Variants in ADAM10 observed in about 807,000 individuals in gnomAD.
ADAM10 encodes the protein disintegrin and metalloproteinase domain-containing protein 10.
Under a neutral mutation model 90.1 loss-of-function variants are expected in ADAM10, and 17 were observed. The ratio of observed to expected loss-of-function variants is 0.19; its 90% CI spans 0.13 to 0.28. The LOEUF (loss-of-function observed/expected upper bound fraction) is 0.28. Among genes scored for constraint, ADAM10 ranks in the 10% least tolerant of loss-of-function variants. The probability of loss-of-function intolerance (pLI) is 1.00; values close to 1 mark genes in which losing one functional copy is unlikely to be tolerated. For missense variants in ADAM10, 610 were observed against 914.3 expected (o/e 0.67, Z 4.29); for synonymous variants, 310 against 298.6 (o/e 1.04, Z -0.40).
At chr15:58,703,493 A>G (rs1342835933) in intron 2 of ADAM10, among the ~76,000 whole-genome samples, 2 of 152,214 alleles carry the variant, frequency 1.3e-5, no homozygotes, top group Non-Finnish European at 2.9e-5. Context: ...ATGTATACAT[A>G]CAATAGAATA....
At chr15:58,626,398 C>T (rs962667157) in intron 10 of ADAM10, among the ~76,000 whole-genome samples, 7 of 152,166 alleles carry the variant, frequency 4.6e-5, no homozygotes, top group Admixed American at 4.6e-4. Context: ...TTTGCTGTCA[C>T]ATGTTTAACC....
In ADAM10 at chr15:58,592,472, G is replaced by A. The variant is rs1412946421; in HGVS notation, c.*5075C>T. ...GCCTTGGCCAGTGGTAACTTCTAAG[G>A]TGCCTCCTGAATCTTTCTGATCTGG... On this transcript the variant is annotated 3_prime_UTR_variant, in exon 16 of 16. Transcript: ENST00000260408. The A allele has an allele frequency of 1.3e-5, 2 of 152,166 alleles. No homozygotes were observed. The highest frequency in any genetic ancestry group is 1.9e-4 in the East Asian group (1 of 5,182). The allele number at this position is 152,166 out of a possible 1,614,324, so 9.4% of individuals were successfully genotyped here.
At chr15:58,749,399 G>C in intron 1 of ADAM10, 81 bp downstream of exon 1, 5 of 1,309,580 alleles carry the variant, frequency 3.8e-6, no homozygotes, top group Non-Finnish European at 4.9e-6. Context: ...CGCACGCCGC[G>C]AGGCGCGACT....
At chr15:58,722,025 T>C (rs1225394630) in intron 1 of ADAM10, among the ~76,000 whole-genome samples, 1 of 151,342 alleles carries the variant, frequency 6.6e-6, no homozygotes, top group Non-Finnish European at 1.5e-5. Context: ...CAAAACTCTG[T>C]CTGAAATAAT....
intron 2 of ADAM10, among the ~76,000 whole-genome samples, chr15:58,684,223 T>C (rs994327223): frequency 5.3e-5 from 8 of 152,116 alleles, no homozygotes; most frequent in Middle Eastern, 3.2e-3. Context: ...TCCACAGATA[T>C]AGAGGGCCAA....
chr15:58,686,850 C>CA (rs1184378741), intron 2 of ADAM10, among the ~76,000 whole-genome samples: 1 of 152,106 alleles, frequency 6.6e-6, no homozygotes, highest in Non-Finnish European at 1.5e-5. Context: ...TGTGCAAGTA[C>CA]TTTTATACAT....
intron 2 of ADAM10, among the ~76,000 whole-genome samples, chr15:58,688,703 A>C (rs1897678844): frequency 6.7e-6 from 1 of 148,936 alleles, no homozygotes; most frequent in South Asian, 2.1e-4. Context: ...AGAGAGGGAA[A>C]GGAATGAGAG....
intron 5 of ADAM10, among the ~76,000 whole-genome samples, chr15:58,648,992 T>C (rs1024777779): frequency 2.2e-4 from 33 of 152,106 alleles, no homozygotes; most frequent in African/African-American, 7.7e-4. Context: ...GTTTGTGGGG[T>C]TTTGTTGCTG....
intron 5 of ADAM10, among the ~76,000 whole-genome samples, chr15:58,649,390 C>T (rs1334771243): frequency 6.6e-6 from 1 of 152,114 alleles, no homozygotes; most frequent in African/African-American, 2.4e-5. Flanking sequence ...ACTATTAGTG[C>T]TTTGTAGTAT....
At chr15:58,677,848 C>T (rs1213666318) in intron 4 of ADAM10, among the ~76,000 whole-genome samples, 2 of 152,072 alleles carry the variant, frequency 1.3e-5, no homozygotes, top group Admixed American at 6.5e-5. Flanking sequence ...TGCAATATTA[C>T]AGGAGCAAAA....
rs946025419 is a variant in ADAM10, at chr15:58,717,573, T to C, written c.206+4A>G. ...CAGACACAGTCAGCAATAAATTTACTTACCTTCCATGGGCATGGAAATCTA... is the reference window on the plus strand; with the variant it reads ...CAGACACAGTCAGCAATAAATTTACCTACCTTCCATGGGCATGGAAATCTA... On this transcript the variant is annotated splice_donor_region_variant and intron_variant, in intron 2 of 15. Transcript: ENST00000260408. 3.9e-5 allele frequency: 63 copies of C among 1,613,734 alleles called. No individual in the cohort carries two copies. The highest frequency in any genetic ancestry group is 5.3e-5 in the Non-Finnish European group (62 of 1,179,890).
intron 11 of ADAM10, among the ~76,000 whole-genome samples, chr15:58,612,383 T>A (rs1328493567): frequency 6.6e-6 from 1 of 152,144 alleles, no homozygotes; most frequent in Non-Finnish European, 1.5e-5. Context: ...GTGGCTGAAC[T>A]GGGATACTAT....
chr15:58,607,508 G>A (rs908321004), intron 14 of ADAM10, among the ~76,000 whole-genome samples: 1 of 152,140 alleles, frequency 6.6e-6, no homozygotes, highest in East Asian at 1.9e-4. Flanking sequence ...ACCATTGAAG[G>A]CCCAGAACAT....
intron 1 of ADAM10, among the ~76,000 whole-genome samples, chr15:58,721,625 C>G (rs1291811752): frequency 6.6e-6 from 1 of 152,188 alleles, no homozygotes; most frequent in African/African-American, 2.4e-5. Flanking sequence ...TAGCTCACAC[C>G]TGTAATCCCA....
At chr15:58,626,308 A>C (rs1366875612) in intron 10 of ADAM10, among the ~76,000 whole-genome samples, 1 of 152,158 alleles carries the variant, frequency 6.6e-6, no homozygotes, top group Non-Finnish European at 1.5e-5. Context: ...CTGTATGTGA[A>C]TCTATTAATT....
Position 58,658,111 on chromosome 15 carries a change from A to T in ADAM10, c.585+6986T>A, listed in dbSNP as rs143264814. Among the ~76,000 whole-genome samples, 594 of 152,140 alleles carry T rather than the reference A, an allele frequency of 3.9e-3. 5 individuals carry two copies. The highest frequency in any genetic ancestry group is 0.013 in the African/African-American group (541 of 41,526). ...AGAAATTGTTATCACAAGTCACAAA[A>T]ATTTCTCCTATGTTTTTTCCTAGTT... On this transcript the variant is annotated intron_variant, in intron 5 of 15. Transcript: ENST00000260408.
At chr15:58,716,108 T>TA (rs1898650270) in intron 2 of ADAM10, among the ~76,000 whole-genome samples, 1 of 152,182 alleles carries the variant, frequency 6.6e-6, no homozygotes, top group Admixed American at 6.5e-5. Context: ...TTTTCAACAA[T>TA]AATCATTACT....
Position 58,644,116 on chromosome 15 carries a change from T to A in ADAM10, c.736-138A>T, listed in dbSNP as rs1199932049. 18 of 675,166 alleles carry A rather than the reference T, an allele frequency of 2.7e-5. No individual in the cohort carries two copies. In the East Asian group the frequency reaches 4.9e-4, roughly 18 times the overall value. 41.8% of individuals were successfully genotyped at this position (675,166 alleles called of 1,614,324 possible). Reference sequence around the variant, plus strand: ...AAATGTCAACATTATATACTGGACATAAATATAAAAAAGATTAGTGAGCTG... The same window carrying A: ...AAATGTCAACATTATATACTGGACAAAAATATAAAAAAGATTAGTGAGCTG... On this transcript the variant is annotated intron_variant, in intron 6 of 15. Coordinates refer to ENST00000260408, the MANE Select transcript of ADAM10 (RefSeq NM_001110.4).
At chr15:58,749,310 G>A (rs1283332494) in intron 1 of ADAM10, among the ~76,000 whole-genome samples, 170 bp downstream of exon 1, 4 of 152,110 alleles carry the variant, frequency 2.6e-5, no homozygotes, top group Non-Finnish European at 5.9e-5. Context: ...AGGGAAAGCG[G>A]TCGGGGCGCG....
Sources: allele counts gnomAD v4.1 joint callset (sites outside exome capture counted in the v4.1 genomes callset), GRCh38; gene constraint gnomAD v4.1.1; transcripts MANE v1.5; gene names NCBI Gene and HGNC (gene_info 2026-07-23, HGNC 2026-07-21).